ANXA2: variants seen among roughly 807,000 people sequenced by gnomAD.
ANXA2 encodes the protein annexin II.
A neutral mutation model predicts 47.3 loss-of-function variants in ANXA2; 28 were observed. The observed-to-expected ratio is 0.59, with a 90% confidence interval of 0.44 to 0.81. The LOEUF (loss-of-function observed/expected upper bound fraction) is 0.81. Among genes scored for constraint, ANXA2 ranks in the 40% least tolerant of loss-of-function variants. The pLI is 0.00. For synonymous variants in ANXA2, 172 were observed against 155.5 expected, an observed-to-expected ratio of 1.11 and a Z score of -0.79; for missense variants, 384 against 414.3, an observed-to-expected ratio of 0.93 and a Z score of 0.64.
intron 9 of ANXA2, 34 bp from the exon 10 acceptor site, chr15:60,351,853 A>G: frequency 6.9e-7 from 1 of 1,441,834 alleles, no homozygotes; most frequent in Non-Finnish European, 9.8e-7. Context: ...ATCAGATCCG[A>G]GCCACTAGTC....
At chr15:60,358,368 GA>G (rs1366085142) in intron 5 of ANXA2, among the ~76,000 whole-genome samples, 2 of 152,092 alleles carry the variant, frequency 1.3e-5, no homozygotes, top group African/African-American at 2.4e-5. Flanking sequence ...TAATAATCAG[GA>G]TTCTTTAATA....
At chr15:60,373,506 C>T (rs1314556290) in intron 3 of ANXA2, among the ~76,000 whole-genome samples, 1 of 152,198 alleles carries the variant, frequency 6.6e-6, no homozygotes, top group Non-Finnish European at 1.5e-5. Context: ...GGAACCCCTG[C>T]TGTAAAAGTT....
chr15:60,379,549 G>T (rs531094883), intron 3 of ANXA2, among the ~76,000 whole-genome samples: 1 of 152,304 alleles, frequency 6.6e-6, no homozygotes, highest in African/African-American at 2.4e-5. Context: ...CACAGGCCTA[G>T]GGGTGGACAG....
chr15:60,374,458 T>C (rs971076566), intron 3 of ANXA2: 1 of 456,044 alleles, frequency 2.2e-6, no homozygotes, highest in South Asian at 1.5e-5. Context: ...TCACTTGATA[T>C]TGGAGAATTT....
chr15:60,397,147 AG>A (rs1302900481), intron 1 of ANXA2: 5 of 472,874 alleles, frequency 1.1e-5, no homozygotes, highest in Non-Finnish European at 1.4e-5. Context: ...AGCGGCCAGA[AG>A]GGAGAGGCCC....
intron 1 of ANXA2, among the ~76,000 whole-genome samples, chr15:60,389,393 TG>T (rs2062977559): frequency 6.6e-6 from 1 of 152,218 alleles, no homozygotes. Context: ...TTCATTGTGT[TG>T]TTCTTTCAAG....
intron 1 of ANXA2, among the ~76,000 whole-genome samples, chr15:60,391,448 A>G (rs1248188124): frequency 6.6e-6 from 1 of 152,204 alleles, no homozygotes; most frequent in Non-Finnish European, 1.5e-5. Flanking sequence ...CAGAAGAACA[A>G]GACTACAGGC....
At chr15:60,383,944 T>C (rs567698078) in intron 2 of ANXA2, 2 of 152,326 alleles carry the variant, frequency 1.3e-5, no homozygotes, top group East Asian at 3.9e-4. Flanking sequence ...AGGCCAGAAA[T>C]CTAAGTTCAG....
At chr15:60,355,546 A>C (rs1226699533) in intron 7 of ANXA2, 1 of 347,632 alleles carries the variant, frequency 2.9e-6, no homozygotes, top group East Asian at 7.4e-5. Context: ...CTTCCATGAG[A>C]AGTAAACGCA....
intron 3 of ANXA2, among the ~76,000 whole-genome samples, chr15:60,378,687 T>TGGGGCC (rs2140899765): frequency 6.6e-6 from 1 of 152,188 alleles, no homozygotes; most frequent in East Asian, 1.9e-4. Flanking sequence ...ATAAGTAGGC[T>TGGGGCC]GGGTGCGGTG....
intron 5 of ANXA2, among the ~76,000 whole-genome samples, chr15:60,358,960 G>C (rs2062472698): frequency 6.6e-6 from 1 of 152,168 alleles, no homozygotes; most frequent in South Asian, 2.1e-4. Context: ...AGGTGACCTT[G>C]GCAATTTCCA....
intron 1 of ANXA2, chr15:60,390,365 G>C: frequency 1.3e-6 from 1 of 760,318 alleles, no homozygotes; most frequent in African/African-American, 1.8e-5. Flanking sequence ...TAGCATTCCG[G>C]AAAACATGGT....
At chr15:60,363,044 A>AAAC (rs1460666879) in intron 4 of ANXA2, 16 of 150,678 alleles carry the variant, frequency 1.1e-4, no homozygotes, top group African/African-American at 3.9e-4. Context: ...AAAAAAAAAA[A>AAAC]AAAAAAAAAA....
chr15:60,363,029 C>CAAAAAAAAAAAAAAAA lies in ANXA2; in HGVS notation c.243+1384_243+1399dup, dbSNP rs55992595. 29 of 74,068 alleles carry CAAAAAAAAAAAAAAAA rather than the reference C, an allele frequency of 3.9e-4. 1 individual carries two copies. The highest frequency in any genetic ancestry group is 5.6e-4 in the Admixed American group (3 of 5,340). The allele number at this position is 74,068 out of a possible 1,614,324, so 4.6% of individuals were successfully genotyped here. On this transcript the variant is annotated intron_variant, in intron 4 of 12. Coordinates refer to ENST00000451270, the MANE Select transcript of ANXA2 (RefSeq NM_004039.3). ...TGGGTGACAGAGCAAGACCCTGTCA[C>CAAAAAAAAAAAAAAAA]AAAAAAAAAAAAAAAAAAAAAAAAA... is the stretch of plus-strand genomic sequence containing the variant.
intron 4 of ANXA2, chr15:60,362,646 A>T (rs1291472724): frequency 6.6e-6 from 1 of 152,184 alleles, no homozygotes; most frequent in East Asian, 1.9e-4. Context: ...TTTATTTCAC[A>T]AACAGCCGAT....
rs1595654745 is a variant in ANXA2, at chr15:60,347,537, C to T, written c.*93G>A. 3.1e-5 allele frequency: 40 copies of T among 1,272,098 alleles called. No homozygotes were observed. The South Asian group carries it at 4.6e-4, about 15-fold the overall frequency. 78.8% of individuals were successfully genotyped at this position (1,272,098 alleles called of 1,614,324 possible). A position where few individuals can be genotyped will look rare whatever the true frequency, so the allele number is the denominator to read the frequency against. On this transcript the variant is annotated 3_prime_UTR_variant, in exon 13 of 13. Transcript: ENST00000451270. The stretch of plus-strand genomic sequence containing the variant: ...GCTAACGTCACCCTCACAGGGATGG[C>T]CACGGGGACTGTTATTCGCAAGCTG...
Position 60,351,784 on chromosome 15 carries a change from T to C in ANXA2, c.718A>G (p.Met240Val), listed in dbSNP as rs371940535. 13 of 1,613,638 alleles carry C rather than the reference T, an allele frequency of 8.1e-6. No homozygotes were observed. In the African/African-American group the frequency reaches 1.5e-4, roughly 18 times the overall value. The change falls in exon 10 of 13, where the codon ATG (methionine) becomes GTG (valine). Residue 240 changes from methionine (M) to valine (V), a missense_variant. Physicochemically the swap from Met to Val is conservative, Grantham distance 21 (BLOSUM62 1). Coordinates refer to ENST00000451270, the MANE Select transcript of ANXA2 (RefSeq NM_004039.3). Reference sequence around the variant, plus strand: ...ACCTCTTTCCTGATGCTTTCCAACATGTCATAAGGGCTGTAACTCTTGTAC... The same window carrying C: ...ACCTCTTTCCTGATGCTTTCCAACACGTCATAAGGGCTGTAACTCTTGTAC... ...DRYKSYSPYD[M>V]LESIRKEVKG...
chr15:60,397,169 C>T, intron 1 of ANXA2: 1 of 731,016 alleles, frequency 1.4e-6, no homozygotes, highest in Non-Finnish European at 1.7e-6. Context: ...CGGGGCCACG[C>T]CCTTCTCTCT....
At chr15:60,357,095 A>C (rs761355001) in intron 6 of ANXA2, 51 bp downstream of exon 6, 5 of 1,537,804 alleles carry the variant, frequency 3.3e-6, no homozygotes, top group Non-Finnish European at 4.5e-6. Context: ...GCCATGATAG[A>C]GTCACATAAA....
Sources: allele counts gnomAD v4.1 joint callset (sites outside exome capture counted in the v4.1 genomes callset), GRCh38; gene constraint gnomAD v4.1.1; transcripts MANE v1.5; gene names NCBI Gene and HGNC (gene_info 2026-07-23, HGNC 2026-07-21).